The following ZNF280C variants were observed in gnomAD, a reference collection of about 807,000 sequenced individuals.
ZNF280C encodes zinc finger protein 280C.
ZNF280C carries 14 observed loss-of-function variants against 53.6 expected under a neutral mutation model. That is an observed-to-expected ratio of 0.26 (90% confidence interval 0.17 to 0.41). ZNF280C has a LOEUF of 0.41. ZNF280C is among the 10% of genes least tolerant of loss of function. The pLI, the probability that ZNF280C is intolerant of heterozygous loss-of-function variation, is 1.00. For missense variants in ZNF280C, 416 were observed against 547.1 expected (o/e 0.76, Z 2.39); for synonymous variants, 203 against 181.1 (o/e 1.12, Z -0.97).
Position 130,215,786 on chromosome X carries a change from A to G in ZNF280C, c.1838+5T>C, listed in dbSNP as rs2032094567. On this transcript the variant is annotated splice_donor_5th_base_variant and intron_variant, in intron 14 of 18. Coordinates refer to ENST00000370978, the MANE Select transcript of ZNF280C (RefSeq NM_017666.5). Reference sequence around the variant, plus strand: ...GTATTGTATATCAGGAATAAAAGATATTACCTTATGTTCTTCAAAGCAAGG... The same window carrying G: ...GTATTGTATATCAGGAATAAAAGATGTTACCTTATGTTCTTCAAAGCAAGG... 1.7e-6 allele frequency: 2 copies of G among 1,187,293 alleles called. No homozygotes were observed. The highest frequency in any genetic ancestry group is 2.3e-6 in the Non-Finnish European group (2 of 883,398).
At chrX:130,251,899 A>T (rs1391474457) in intron 2 of ZNF280C, among the ~76,000 whole-genome samples, 1 of 111,383 alleles carries the variant, frequency 9.0e-6, no homozygotes, top group African/African-American at 3.3e-5. Flanking sequence ...GGATCACTTG[A>T]TGTCAAGAGT....
rs369492330 is a variant in ZNF280C, at chrX:130,260,184, A to G, written c.31+235T>C. 6.3e-5 allele frequency among the ~76,000 whole-genome samples: 7 copies of G among 111,003 alleles called. No individual in the cohort carries two copies. The East Asian group carries it at 2.0e-3, about 31-fold the overall frequency. The stretch of plus-strand genomic sequence containing the variant: ...GTAATCCCAGCTACTCAGGAGGCTG[A>G]GGCAGGAGAATGGCGTGAACCCAGG... On this transcript the variant is annotated intron_variant, in intron 2 of 18. Transcript: ENST00000370978.
chrX:130,222,453 A>C (rs1327448448), intron 12 of ZNF280C, among the ~76,000 whole-genome samples: 3 of 111,753 alleles, frequency 2.7e-5, no homozygotes, highest in Non-Finnish European at 5.6e-5. Context: ...TTAAATAAAG[A>C]AATAAAGTGA....
chrX:130,239,410 C>T (rs766953687), intron 6 of ZNF280C, among the ~76,000 whole-genome samples, 172 bp downstream of exon 6: 18 of 111,515 alleles, frequency 1.6e-4, no homozygotes, highest in Non-Finnish European at 3.0e-4. Flanking sequence ...TCACTAAATA[C>T]AATTTTCTAT....
chrX:130,218,689 T>C (rs1254536697), intron 13 of ZNF280C, among the ~76,000 whole-genome samples: 1 of 111,986 alleles, frequency 8.9e-6, no homozygotes, highest in Non-Finnish European at 1.9e-5. Flanking sequence ...AGAATCTTAG[T>C]ACTACCTCTT....
intron 14 of ZNF280C, among the ~76,000 whole-genome samples, 200 bp from the exon 15 acceptor site, chrX:130,215,533 A>G (rs2032091413): frequency 8.9e-6 from 1 of 112,123 alleles, no homozygotes; most frequent in Admixed American, 9.5e-5. Context: ...CCTGGAATAA[A>G]AGGGATCAAA....
intron 2 of ZNF280C, among the ~76,000 whole-genome samples, chrX:130,259,200 CCTT>C (rs1158613929): frequency 8.9e-6 from 1 of 111,961 alleles, no homozygotes; most frequent in Non-Finnish European, 1.9e-5. Flanking sequence ...AAAGTAAGCT[CCTT>C]GAGAGTGAAA....
In ZNF280C at chrX:130,216,043, C is replaced by T. The variant is rs1324543029; in HGVS notation, c.1586G>A (p.Gly529Asp). The T allele has an allele frequency of 8.3e-7, 1 of 1,211,265 alleles. No individual in the cohort carries two copies. Residue 529 changes from glycine to aspartate, a missense_variant, in exon 14 of 19, where the codon GGT becomes GAT. Coordinates refer to ENST00000370978, the MANE Select transcript of ZNF280C (RefSeq NM_017666.5). The stretch of plus-strand genomic sequence containing the variant: ...AAGAAAAGAAGTGCCTGGAGCGCAA[C>T]CGAAAGGTGCAGTTGGTAATTTTGA... The part of the protein sequence containing the change: ...LQSKLPTAPF[G>D]CAPGTSFLQV...
intron 16 of ZNF280C, 55 bp from the exon 17 acceptor site, chrX:130,205,470 A>T (rs1297009472): frequency 1.2e-6 from 1 of 829,219 alleles, no homozygotes; most frequent in African/African-American, 2.0e-5. Flanking sequence ...GAAAATCCAT[A>T]TGAGCTCAAT....
intron 6 of ZNF280C, among the ~76,000 whole-genome samples, chrX:130,239,321 G>A (rs1266062580): frequency 9.0e-6 from 1 of 111,309 alleles, no homozygotes; most frequent in African/African-American, 3.2e-5. Context: ...AGATTGTTCA[G>A]TCCATGGCTG....
intron 9 of ZNF280C, 86 bp from the exon 10 acceptor site, chrX:130,229,220 T>A: frequency 1.1e-6 from 1 of 926,281 alleles, no homozygotes; most frequent in East Asian, 3.1e-5. Context: ...AATAAATTTT[T>A]AAAATGTAAT....
chrX:130,204,288 A>G lies in ZNF280C; in HGVS notation c.*689T>C, dbSNP rs1049609823. The stretch of plus-strand genomic sequence containing the variant: ...CTTAAGATCAAAAGCCAAAGCTCCC[A>G]ATGGGAAGTTGTGCTCTATTTGGTG... On this transcript the variant is annotated 3_prime_UTR_variant, in exon 19 of 19. Coordinates refer to ENST00000370978, the MANE Select transcript of ZNF280C (RefSeq NM_017666.5). 3 of 112,407 alleles carry G rather than the reference A, an allele frequency of 2.7e-5. No homozygotes were observed. Among genetic ancestry groups the G allele is most frequent in the Non-Finnish European group, 5.6e-5 (3 of 53,266 alleles). 9.3% of individuals were successfully genotyped at this position (112,407 alleles called of 1,213,427 possible). A position where few individuals can be genotyped will look rare whatever the true frequency, so the allele number is the denominator to read the frequency against.
At chrX:130,215,506 A>G (rs964025312) in intron 14 of ZNF280C, among the ~76,000 whole-genome samples, 173 bp from the exon 15 acceptor site, 19 of 112,213 alleles carry the variant, frequency 1.7e-4, no homozygotes, top group Admixed American at 1.9e-4. Context: ...AAAAAATTTA[A>G]CACCAGTTAA....
intron 1 of ZNF280C, among the ~76,000 whole-genome samples, chrX:130,267,704 G>A (rs2032704544): frequency 8.9e-6 from 1 of 112,082 alleles, no homozygotes. Context: ...TCTGCGTAAG[G>A]AGATTAAGTT....
At chrX:130,213,520 G>A (rs1055316511) in intron 15 of ZNF280C, among the ~76,000 whole-genome samples, 4 of 112,320 alleles carry the variant, frequency 3.6e-5, no homozygotes, top group Non-Finnish European at 7.5e-5. Flanking sequence ...GATAAAAGAT[G>A]CAAAGATAGC....
At chrX:130,213,095 T>G (rs1332833935) in intron 15 of ZNF280C, among the ~76,000 whole-genome samples, 1 of 112,274 alleles carries the variant, frequency 8.9e-6, no homozygotes, top group Non-Finnish European at 1.9e-5. Flanking sequence ...GGCTCACGCC[T>G]GTAATCCCAG....
intron 4 of ZNF280C, 41 bp downstream of exon 4, chrX:130,243,759 A>G: frequency 1.7e-6 from 2 of 1,168,281 alleles, no homozygotes; most frequent in Non-Finnish European, 2.3e-6. Flanking sequence ...TTATATCAAA[A>G]TATTTAACTT....
At chrX:130,221,255 T>A (rs1043426632) in intron 12 of ZNF280C, among the ~76,000 whole-genome samples, 2 of 111,942 alleles carry the variant, frequency 1.8e-5, no homozygotes. Flanking sequence ...CAAACAGATT[T>A]ACCTGTAGGT....
At chrX:130,233,624 A>C (rs2032302312) in intron 8 of ZNF280C, among the ~76,000 whole-genome samples, 1 of 37,118 alleles carries the variant, frequency 2.7e-5, no homozygotes, top group African/African-American at 3.8e-4. Flanking sequence ...CTCTGTCTCA[A>C]AAAAAAAAAA....
Sources: gnomAD v4.1 joint callset for allele counts (sites outside exome capture counted in the v4.1 genomes callset) on GRCh38, gnomAD v4.1.1 for gene constraint, MANE v1.5 for transcripts, NCBI Gene and HGNC (gene_info 2026-07-23, HGNC 2026-07-21) for gene names.